RALGPS1: variants seen among roughly 807,000 people sequenced by gnomAD.
RALGPS1 encodes ras-specific guanine nucleotide-releasing factor RalGPS1.
In RALGPS1, 19 loss-of-function variants were observed where a neutral mutation model predicts 78.8. The observed-to-expected ratio is 0.24, with a 90% CI of 0.17 to 0.35. The LOEUF (loss-of-function observed/expected upper bound fraction) is 0.35, where lower values mean the gene tolerates loss of function less well. Ranked by LOEUF, RALGPS1 falls within the 10% of genes least tolerant of loss-of-function variation. The pLI is 1.00. For missense variants in RALGPS1, 454 were observed against 688.3 expected (o/e 0.66, Z 3.81); for synonymous variants, 228 against 256.3 (o/e 0.89, Z 1.06).
intron 11 of RALGPS1, among the ~76,000 whole-genome samples, chr9:127,175,277 C>T (rs562427229): frequency 7.2e-5 from 11 of 152,310 alleles, no homozygotes; most frequent in African/African-American, 2.4e-4. Context: ...CAGTCAAGCC[C>T]GAGCTCCGCT....
chr9:126,989,752 G>C (rs1273391546), intron 4 of RALGPS1: 1 of 1,236,736 alleles, frequency 8.1e-7, no homozygotes, highest in African/African-American at 1.5e-5. Flanking sequence ...GGACAAAGGA[G>C]GCATTCTGCA....
intron 1 of RALGPS1, among the ~76,000 whole-genome samples, chr9:126,936,452 C>T (rs1230987841): frequency 1.3e-5 from 2 of 152,004 alleles, no homozygotes; most frequent in Admixed American, 6.6e-5. Flanking sequence ...AAAAATATTT[C>T]GTGACAGAGT....
intron 8 of RALGPS1, among the ~76,000 whole-genome samples, chr9:127,155,205 A>G (rs923030187): frequency 3.3e-5 from 5 of 152,188 alleles, no homozygotes; most frequent in Non-Finnish European, 7.3e-5. Flanking sequence ...GTATATTCCA[A>G]TAAAGATTCA....
chr9:126,993,788 G>A (rs1010606595), intron 4 of RALGPS1, among the ~76,000 whole-genome samples: 17 of 152,088 alleles, frequency 1.1e-4, no homozygotes, highest in South Asian at 6.2e-4. Flanking sequence ...CAGTAGGGGC[G>A]GACTGACACC....
intron 8 of RALGPS1, among the ~76,000 whole-genome samples, chr9:127,078,472 C>T (rs2050877202): frequency 6.6e-6 from 1 of 152,218 alleles, no homozygotes; most frequent in Non-Finnish European, 1.5e-5. Flanking sequence ...AGATCTCATG[C>T]TTACTGCTGA....
Position 126,965,994 on chromosome 9 carries a change from A to G in RALGPS1, c.165+43A>G. 2.8e-6 allele frequency: 4 copies of G among 1,411,648 alleles called. No homozygotes were observed. The South Asian group carries it at 4.6e-5, about 16-fold the overall frequency. The allele number at this position is 1,411,648 out of a possible 1,614,324, so 87.4% of individuals were successfully genotyped here. On this transcript the variant is annotated intron_variant, in intron 3 of 18. Transcript: ENST00000259351. ...GGTGTGGGTGGCTGGGCACCACAGC[A>G]GGGCACTAGAGGGAGCCACCACTTA...
intron 11 of RALGPS1, among the ~76,000 whole-genome samples, chr9:127,188,081 A>C (rs571733881): frequency 4.6e-4 from 20 of 43,044 alleles, no homozygotes; most frequent in African/African-American, 1.7e-3. Flanking sequence ...TTTTTTTTTT[A>C]GACGGAGTCT....
intron 11 of RALGPS1, among the ~76,000 whole-genome samples, chr9:127,189,104 CAG>C (rs2060877070): frequency 6.7e-6 from 1 of 149,856 alleles, no homozygotes; most frequent in Non-Finnish European, 1.5e-5. Context: ...ACAGCTGAAA[CAG>C]AACTCTCTTC....
intron 8 of RALGPS1, 138 bp downstream of exon 8, chr9:127,069,494 G>A: frequency 1.1e-6 from 1 of 923,546 alleles, no homozygotes; most frequent in Non-Finnish European, 1.6e-6. Context: ...GGCTCTTTGG[G>A]TTGGAACAGG....
rs2062710033 is a variant in RALGPS1 at position 127,219,183 on chromosome 9, C to T, written c.*414C>T. On this transcript the variant is annotated 3_prime_UTR_variant, in exon 19 of 19. Transcript: ENST00000259351. The surrounding 1 kb of genome is among the most constrained non-coding windows in gnomAD (Gnocchi z 5.0). ...GAACAGGCTTTTTACACCCCAAGTG[C>T]ATGGGGTTGCTCGCCCACAGGGCTG... 2 of 249,078 alleles carry T rather than the reference C, an allele frequency of 8.0e-6. No individual in the cohort carries two copies. Among genetic ancestry groups the T allele is most frequent in the African/African-American group, 4.4e-5 (2 of 45,008 alleles). The allele number at this position is 249,078 out of a possible 1,614,324, so 15.4% of individuals were successfully genotyped here.
At chr9:127,134,275 T>C (rs2057244283) in intron 8 of RALGPS1, among the ~76,000 whole-genome samples, 1 of 152,056 alleles carries the variant, frequency 6.6e-6, no homozygotes, top group African/African-American at 2.4e-5. Flanking sequence ...AGCAGATAAA[T>C]AGAATCCTGG....
chr9:127,043,299 C>T (rs1371197188), intron 5 of RALGPS1, among the ~76,000 whole-genome samples: 1 of 151,994 alleles, frequency 6.6e-6, no homozygotes, highest in Non-Finnish European at 1.5e-5. Flanking sequence ...ATAAATAGAC[C>T]TACACAAATA....
chr9:127,105,336 C>A (rs1204859212), intron 8 of RALGPS1, among the ~76,000 whole-genome samples: 2 of 152,190 alleles, frequency 1.3e-5, no homozygotes, highest in African/African-American at 4.8e-5. Context: ...GTGCAGGACA[C>A]TTGGATACAC....
At chr9:127,026,213 A>C in intron 4 of RALGPS1, among the ~76,000 whole-genome samples, 1 of 152,206 alleles carries the variant, frequency 6.6e-6, no homozygotes, top group East Asian at 1.9e-4. Flanking sequence ...AGCATCCAGC[A>C]TGGGAGAAAG....
intron 8 of RALGPS1, among the ~76,000 whole-genome samples, chr9:127,084,081 T>TTTAA (rs899454452): frequency 3.3e-5 from 5 of 152,238 alleles, no homozygotes; most frequent in Admixed American, 6.5e-5. Context: ...AAGCTAATTG[T>TTTAA]TTAATTAATT....
At chr9:126,982,805 CT>C in intron 4 of RALGPS1, among the ~76,000 whole-genome samples, 1 of 143,684 alleles carries the variant, frequency 7.0e-6, no homozygotes, top group Middle Eastern at 3.2e-3. Context: ...CTTCTTCTTC[CT>C]TCTTTCTTCC....
chr9:127,024,036 C>CAAAAAAAAAAA lies in RALGPS1; in HGVS notation c.217-10386_217-10376dup, dbSNP rs61549879. Among the ~76,000 whole-genome samples, 128 of 71,576 alleles carry CAAAAAAAAAAA rather than the reference C, an allele frequency of 1.8e-3. 15 individuals carry two copies. Among genetic ancestry groups the CAAAAAAAAAAA allele is most frequent in the Middle Eastern group, 0.01 (1 of 96 alleles). 47.0% of individuals were successfully genotyped at this position (71,576 alleles called of 152,430 possible). ...TGGGTGACAGAGTAAGACTCTGTCT[C>CAAAAAAAAAAA]AAAAAAAAAAAAAAAAAAAGGACAG... On this transcript the variant is annotated intron_variant, in intron 4 of 18. Transcript: ENST00000259351.
At position 126,977,712 on chromosome 9, in the gene RALGPS1, G is replaced by T; in HGVS notation, c.183G>T (p.Met61Ile). 6.2e-7 allele frequency: 1 copy of T among 1,600,246 alleles called. No homozygotes were observed. The highest frequency in any genetic ancestry group is 8.5e-7 in the Non-Finnish European group (1 of 1,172,398). Residue 61 changes from methionine to isoleucine, a missense_variant, in exon 4 of 19, where the codon ATG becomes ATT. Coordinates refer to ENST00000259351, the MANE Select transcript of RALGPS1 (RefSeq NM_014636.3). ...TGTTGCAGAGCCAGATTACATTAATGGATATACCTGTGTTTAAAGCTATCC... is the reference window on the plus strand; with the variant it reads ...TGTTGCAGAGCCAGATTACATTAATTGATATACCTGTGTTTAAAGCTATCC... ...PEEFASQITL[M>I]DIPVFKAIQP...
chr9:127,120,586 G>A (rs1474796292), intron 8 of RALGPS1, among the ~76,000 whole-genome samples: 3 of 152,232 alleles, frequency 2.0e-5, no homozygotes, highest in Non-Finnish European at 4.4e-5. Context: ...CACTTCGGGA[G>A]GCCGAGGTGG....
Sources: allele counts gnomAD v4.1 joint callset (sites outside exome capture counted in the v4.1 genomes callset), GRCh38; gene constraint gnomAD v4.1.1; non-coding constraint Gnocchi (gnomAD v3.1); transcripts MANE v1.5; gene names NCBI Gene and HGNC (gene_info 2026-07-23, HGNC 2026-07-21).